The following RNF17 variants were observed in gnomAD, a reference collection of about 807,000 sequenced individuals.
RNF17 encodes spermatogenesis associated 23.
RNF17 carries 31 observed loss-of-function variants against 200.5 expected under a neutral mutation model. The ratio of observed to expected loss-of-function variants is 0.15; its 90% CI spans 0.12 to 0.21. The LOEUF (loss-of-function observed/expected upper bound fraction) is 0.21, where lower values mean the gene tolerates loss of function less well. Among genes scored for constraint, RNF17 ranks in the 10% least tolerant of loss-of-function variants. The pLI, the probability that RNF17 is intolerant of heterozygous loss-of-function variation, is 1.00. For synonymous variants in RNF17, 606 were observed against 637.8 expected (o/e 0.95, Z 0.75); for missense variants, 1,628 against 1,905.1 (o/e 0.85, Z 2.71).
At chr13:24,761,715 A>C (rs1878757772), upstream of RNF17, among the ~76,000 whole-genome samples, 4 of 152,246 alleles carry the variant, frequency 2.6e-5, no homozygotes, top group Admixed American at 2.0e-4. Flanking sequence ...AACAACCTAA[A>C]TTGAATGTTA....
chr13:24,861,350 A>G lies in RNF17; in HGVS notation c.3857A>G (p.Gln1286Arg). Residue 1286 changes from glutamine to arginine, a missense_variant, in exon 27 of 36, where the codon CAG becomes CGG. By Grantham distance (43) the Gln-to-Arg change is conservative (BLOSUM62 1). Transcript: ENST00000255324. Reference sequence around the variant, plus strand: ...ATTTTGCTGTATCCTGATATACCCCAGTTTTGTATTCCTTGTCAGCTCCAT... The same window carrying G: ...ATTTTGCTGTATCCTGATATACCCCGGTTTTGTATTCCTTGTCAGCTCCAT... ...YPILLYPDIP[Q>R]FCIPCQLHNT... 1.3e-6 allele frequency: 2 copies of G among 1,578,852 alleles called. No homozygotes were observed. The highest frequency in any genetic ancestry group is 1.7e-6 in the Non-Finnish European group (2 of 1,159,794).
chr13:24,868,437 TC>T (rs1169730170), intron 30 of RNF17, among the ~76,000 whole-genome samples, 162 bp from the exon 31 acceptor site: 4 of 107,858 alleles, frequency 3.7e-5, no homozygotes, highest in African/African-American at 1.4e-4. Context: ...GCCACTGCAC[TC>T]CAGCCTGGGC....
chr13:24,811,239 T>C (rs1886568714), intron 15 of RNF17, among the ~76,000 whole-genome samples: 1 of 151,660 alleles, frequency 6.6e-6, no homozygotes, highest in Non-Finnish European at 1.5e-5. Context: ...CAGAGTGTTT[T>C]CCAACTTGGT....
chr13:24,884,124 G>T, downstream of RNF17: 2 of 1,591,914 alleles, frequency 1.3e-6, no homozygotes, highest in Non-Finnish European at 1.7e-6. Flanking sequence ...TTTGAAGGAA[G>T]GGAAGAATTT....
chr13:24,843,727 CT>C lies in RNF17; in HGVS notation c.2604-13del. The C allele has an allele frequency of 1.4e-6, 2 of 1,466,192 alleles. No individual in the cohort carries two copies. Among genetic ancestry groups the C allele is most frequent in the African/African-American group, 1.4e-5 (1 of 71,910 alleles). 90.8% of individuals were successfully genotyped at this position (1,466,192 alleles called of 1,614,324 possible). A position where few individuals can be genotyped will look rare whatever the true frequency, so the allele number is the denominator to read the frequency against. On this transcript the variant is annotated splice_polypyrimidine_tract_variant and intron_variant, in intron 19 of 35. Coordinates refer to ENST00000255324, the MANE Select transcript of RNF17 (RefSeq NM_031277.3). ...TTTTGCATACAGTTCTTTTCATTAA[CT>C]TTTGTTGTTTTTCAGATACATCCTC...
chr13:24,790,622 T>C (rs1410912544), intron 9 of RNF17, among the ~76,000 whole-genome samples: 5 of 152,180 alleles, frequency 3.3e-5, no homozygotes, highest in Admixed American at 2.0e-4. Flanking sequence ...TATTCTTCTG[T>C]AACTCATAAA....
chr13:24,858,927 G>A lies in RNF17; in HGVS notation c.3611-74G>A, dbSNP rs1344805525. On this transcript the variant is annotated intron_variant, in intron 25 of 35. Coordinates refer to ENST00000255324, the MANE Select transcript of RNF17 (RefSeq NM_031277.3). ...ACTGGTTTTTAATTATACTACTGAA[G>A]AAATGAAGTTATTAAATTGACAAAT... 5 of 963,012 alleles carry A rather than the reference G, an allele frequency of 5.2e-6. No individual in the cohort carries two copies. In the Admixed American group the frequency reaches 1.3e-4, roughly 25 times the overall value. 59.7% of individuals were successfully genotyped at this position (963,012 alleles called of 1,614,324 possible).
chr13:24,852,096 G>A (rs1237347394), intron 24 of RNF17, among the ~76,000 whole-genome samples: 1 of 151,744 alleles, frequency 6.6e-6, no homozygotes, highest in Non-Finnish European at 1.5e-5. Flanking sequence ...ACAGGATCAG[G>A]ATATGGTTGT....
the RNF17 span, among the ~76,000 whole-genome samples, chr13:24,754,952 T>A: frequency 2.0e-5 from 3 of 151,288 alleles, no homozygotes; most frequent in East Asian, 5.8e-4. Flanking sequence ...ATAATTTATA[T>A]AGTTACATAA....
At chr13:24,825,582 C>T (rs1177282223) in intron 15 of RNF17, 37 bp from the exon 16 acceptor site, 1 of 1,392,980 alleles carries the variant, frequency 7.2e-7, no homozygotes, top group Non-Finnish European at 9.9e-7. Flanking sequence ...TTTTAAGTTT[C>T]TGTGAAATGA....
Position 24,779,690 on chromosome 13 carries a change from T to G in RNF17, c.453T>G (p.Ile151Met), listed in dbSNP as rs1294002722. Residue 151 changes from isoleucine (I) to methionine (M), a missense_variant, in exon 5 of 36, where the codon ATT becomes ATG. Transcript: ENST00000255324. ...VMLDTNTAEEIDEALNTAHHS... is the reference protein window; with the variant it reads ...VMLDTNTAEEMDEALNTAHHS... Reference sequence around the variant, plus strand: ...AGGACACTAATACTGCAGAAGAAATTGATGAAGCATTGAATACAGCACACC... The same window carrying G: ...AGGACACTAATACTGCAGAAGAAATGGATGAAGCATTGAATACAGCACACC... 1.2e-6 allele frequency: 2 copies of G among 1,613,272 alleles called. No individual in the cohort carries two copies. The highest frequency in any genetic ancestry group is 1.1e-5 in the South Asian group (1 of 91,048).
chr13:24,886,576 G>A, the RNF17 span, among the ~76,000 whole-genome samples: 1 of 152,222 alleles, frequency 6.6e-6, no homozygotes, highest in Non-Finnish European at 1.5e-5. Context: ...GGAGTACACA[G>A]GGGTTTAGGC....
chr13:24,778,236 TG>T, intron 3 of RNF17, 58 bp from the exon 4 acceptor site: 1 of 1,181,604 alleles, frequency 8.5e-7, no homozygotes. Context: ...CACTCTGGCC[TG>T]GGTGACAGAG....
chr13:24,768,202 G>C (rs1236752452), intron 2 of RNF17, among the ~76,000 whole-genome samples: 2 of 151,660 alleles, frequency 1.3e-5, no homozygotes, highest in African/African-American at 2.4e-5. Context: ...AAATTTACTT[G>C]ATATCCTATT....
At chr13:24,854,240 G>T in intron 25 of RNF17, 96 bp downstream of exon 25, 1 of 895,194 alleles carries the variant, frequency 1.1e-6, no homozygotes, top group Non-Finnish European at 1.7e-6. Context: ...ATTTTCACAA[G>T]GTTGTTAGGA....
rs187150711 is a variant in RNF17, at chr13:24,796,626, T to A, written c.1399+331T>A. On this transcript the variant is annotated intron_variant, in intron 11 of 35. Transcript: ENST00000255324. Reference sequence around the variant, plus strand: ...AACTGTGCCTGTAAGATGATTCTTGTGTAACTCCAGTCTCTTGCTCGCCAT... The same window carrying A: ...AACTGTGCCTGTAAGATGATTCTTGAGTAACTCCAGTCTCTTGCTCGCCAT... Among the ~76,000 whole-genome samples, 3 of 152,284 alleles carry A rather than the reference T, an allele frequency of 2.0e-5. No individual in the cohort carries two copies. In the East Asian group the frequency reaches 5.8e-4, roughly 29 times the overall value.
chr13:24,785,810 A>G (rs1017453509), intron 6 of RNF17, among the ~76,000 whole-genome samples: 6 of 152,314 alleles, frequency 3.9e-5, no homozygotes, highest in Admixed American at 2.0e-4. Context: ...TTGTTACATT[A>G]AAGTCTATTT....
intron 15 of RNF17, among the ~76,000 whole-genome samples, chr13:24,823,329 C>G (rs1229947051): frequency 6.6e-6 from 1 of 152,212 alleles, no homozygotes; most frequent in African/African-American, 2.4e-5. Flanking sequence ...GCCTCAGCTT[C>G]CCAAAGTGCT....
intron 26 of RNF17, 79 bp from the exon 27 acceptor site, chr13:24,861,189 T>C: frequency 7.9e-7 from 1 of 1,264,460 alleles, no homozygotes; most frequent in Non-Finnish European, 1.1e-6. Context: ...TGTCTTTTTT[T>C]CTAATAACAG....
Sources: gnomAD v4.1 joint callset for allele counts (sites outside exome capture counted in the v4.1 genomes callset) on GRCh38, gnomAD v4.1.1 for gene constraint, MANE v1.5 for transcripts, NCBI Gene and HGNC (gene_info 2026-07-23, HGNC 2026-07-21) for gene names.